The following SPOCK3 variants were observed in gnomAD, a reference collection of about 807,000 sequenced individuals.
SPOCK3 encodes the protein testican-3.
A neutral mutation model predicts 56.6 loss-of-function variants in SPOCK3; 30 were observed. The ratio of observed to expected loss-of-function variants is 0.53; its 90% CI spans 0.40 to 0.72. SPOCK3 has a LOEUF of 0.72. SPOCK3 is among the 30% of genes least tolerant of loss of function. The probability of loss-of-function intolerance (pLI) is 0.00; values close to 1 mark genes in which losing one functional copy is unlikely to be tolerated. For synonymous variants in SPOCK3, 196 were observed against 183.3 expected (o/e 1.07, Z -0.56); for missense variants, 527 against 530.0 (o/e 0.99, Z 0.06).
intron 7 of SPOCK3, among the ~76,000 whole-genome samples, chr4:166,764,536 C>A (rs1737712298): frequency 6.6e-6 from 1 of 152,100 alleles, no homozygotes; most frequent in South Asian, 2.1e-4. Flanking sequence ...TTTTTTATGG[C>A]TGCCTAGTAT....
chr4:166,970,407 T>C (rs1745246129), intron 4 of SPOCK3, among the ~76,000 whole-genome samples: 1 of 152,160 alleles, frequency 6.6e-6, no homozygotes, highest in South Asian at 2.1e-4. Context: ...TACAGACAAC[T>C]ATAAATTCCA....
intron 2 of SPOCK3, among the ~76,000 whole-genome samples, chr4:167,176,596 A>G (rs1211810879): frequency 6.6e-6 from 1 of 152,052 alleles, no homozygotes; most frequent in East Asian, 1.9e-4. Context: ...AATTTTTTGC[A>G]TAAAGACAAG....
At chr4:166,934,364 G>C (rs1384369281) in intron 4 of SPOCK3, among the ~76,000 whole-genome samples, 2 of 151,562 alleles carry the variant, frequency 1.3e-5, no homozygotes. Context: ...CAGGTGTGGT[G>C]GGGGGCACCT....
chr4:166,875,096 TTTACAATATG>T (rs1560959965), intron 6 of SPOCK3, among the ~76,000 whole-genome samples: 1 of 152,158 alleles, frequency 6.6e-6, no homozygotes, highest in Non-Finnish European at 1.5e-5. Flanking sequence ...ATTTGTCATA[TTTACAATATG>T]TAAATCACTA....
intron 6 of SPOCK3, among the ~76,000 whole-genome samples, chr4:166,878,527 A>G (rs1733351274): frequency 6.7e-6 from 1 of 149,916 alleles, no homozygotes; most frequent in Admixed American, 6.6e-5. Flanking sequence ...TAAAATGTAT[A>G]TTTTAAATGT....
chr4:166,737,240 TTTAA>T (rs1193118861), intron 10 of SPOCK3, among the ~76,000 whole-genome samples: 1 of 152,192 alleles, frequency 6.6e-6, no homozygotes, highest in Non-Finnish European at 1.5e-5. Context: ...GAACTCAGCT[TTTAA>T]TTAATCTCTC....
chr4:167,078,344 G>GTGTT (rs1205576894), intron 2 of SPOCK3, among the ~76,000 whole-genome samples: 1 of 148,194 alleles, frequency 6.7e-6, no homozygotes, highest in Non-Finnish European at 1.5e-5. Context: ...GTGTGTGTGT[G>GTGTT]TGTGTGTGTG....
At chr4:166,833,423 G>A (rs924978338) in intron 6 of SPOCK3, among the ~76,000 whole-genome samples, 3 of 152,052 alleles carry the variant, frequency 2.0e-5, no homozygotes, top group Admixed American at 6.5e-5. Flanking sequence ...TTGTAGTATT[G>A]GTTACTAAGA....
chr4:167,001,209 C>A, intron 3 of SPOCK3, among the ~76,000 whole-genome samples: 1 of 152,064 alleles, frequency 6.6e-6, no homozygotes, highest in East Asian at 1.9e-4. Flanking sequence ...AAATTATCAC[C>A]ACAATCAATA....
chr4:166,890,154 G>A (rs989174786), intron 5 of SPOCK3, among the ~76,000 whole-genome samples: 3 of 151,834 alleles, frequency 2.0e-5, no homozygotes, highest in Middle Eastern at 3.4e-3. Context: ...GCCTCTCTTC[G>A]GTGCTTGTAT....
rs770376243 is a variant in SPOCK3 at position 166,742,021 on chromosome 4, G to A, written c.970C>T (p.Arg324Trp). The change falls in exon 9 of 11, where the codon CGG (arginine) becomes TGG (tryptophan). Residue 324 changes from arginine to tryptophan, a missense_variant. By Grantham distance (101) the Arg-to-Trp change is moderately radical. Coordinates refer to ENST00000357545, the MANE Select transcript of SPOCK3 (RefSeq NM_001040159.2). ...CCTAGGAGCTTCTTTACCCCTTGCC[G>A]CTTCTGAATATTGCTGAGCTCAGTC... ...CQTELSNIQK[R>W]QGVKKLLGQY... The A allele has an allele frequency of 1.1e-5, 18 of 1,612,500 alleles. No homozygotes were observed. Among genetic ancestry groups the A allele is most frequent in the African/African-American group, 8.0e-5 (6 of 74,810 alleles).
At chr4:166,802,332 C>G (rs1344400153) in intron 6 of SPOCK3, among the ~76,000 whole-genome samples, 1 of 152,092 alleles carries the variant, frequency 6.6e-6, no homozygotes, top group African/African-American at 2.4e-5. Context: ...AAAGGATCAG[C>G]ATGTCTTTGG....
At chr4:167,037,760 C>A (rs1258158210) in intron 3 of SPOCK3, among the ~76,000 whole-genome samples, 1 of 152,182 alleles carries the variant, frequency 6.6e-6, no homozygotes, top group Non-Finnish European at 1.5e-5. Flanking sequence ...GTGGCTTTAA[C>A]CTTTTAGGAA....
chr4:166,875,990 A>G (rs1733040726), intron 6 of SPOCK3, among the ~76,000 whole-genome samples: 1 of 121,932 alleles, frequency 8.2e-6, no homozygotes, highest in Admixed American at 8.6e-5. Context: ...ACAGGAGCCC[A>G]GTGGAAGGCG....
chr4:167,184,910 ATTG>A (rs1279072813), intron 2 of SPOCK3, among the ~76,000 whole-genome samples: 5 of 152,170 alleles, frequency 3.3e-5, no homozygotes, highest in East Asian at 1.9e-4. Flanking sequence ...GGAAGTAGAA[ATTG>A]TTGTTAAGAA....
chr4:166,913,563 C>G (rs937118401), intron 4 of SPOCK3, among the ~76,000 whole-genome samples: 2 of 152,092 alleles, frequency 1.3e-5, no homozygotes, highest in Non-Finnish European at 2.9e-5. Flanking sequence ...TAATTTGATG[C>G]CTATGTCAGG....
chr4:166,883,734 G>T (rs546555860), intron 6 of SPOCK3, among the ~76,000 whole-genome samples: 1 of 152,330 alleles, frequency 6.6e-6, no homozygotes, highest in Admixed American at 6.5e-5. Context: ...CGTGACAACA[G>T]CATATGAATC....
In SPOCK3 at chr4:167,131,043, T is replaced by G. The variant is rs977188316; in HGVS notation, c.190-68506A>C. Among the ~76,000 whole-genome samples the G allele has an allele frequency of 3.9e-5, 6 of 152,166 alleles. No homozygotes were observed. In the East Asian group the frequency reaches 1.2e-3, roughly 30 times the overall value. On this transcript the variant is annotated intron_variant, in intron 2 of 10. Coordinates refer to ENST00000357545, the MANE Select transcript of SPOCK3 (RefSeq NM_001040159.2). ...TAACAAACCTTAATAGACCTGATAT[T>G]CTAAATGTATATTAGTTGAATAAAT...
At chr4:167,226,161 G>C (rs1423474850) in intron 2 of SPOCK3, among the ~76,000 whole-genome samples, 1 of 152,112 alleles carries the variant, frequency 6.6e-6, no homozygotes, top group Non-Finnish European at 1.5e-5. Context: ...CATGCTAAAT[G>C]ATTTCACTAA....
Sources: allele counts gnomAD v4.1 joint callset (sites outside exome capture counted in the v4.1 genomes callset), GRCh38; gene constraint gnomAD v4.1.1; transcripts MANE v1.5; gene names NCBI Gene and HGNC (gene_info 2026-07-23, HGNC 2026-07-21).